The following THSD4 variants were observed in gnomAD, a reference collection of about 807,000 sequenced individuals.
The protein encoded by THSD4 is thrombospondin type-1 domain-containing protein 4.
In THSD4, 69 loss-of-function variants were observed where a neutral mutation model predicts 119.0. The observed-to-expected ratio is 0.58, with a 90% CI of 0.48 to 0.71. THSD4 has a LOEUF of 0.71. THSD4 is among the 30% of genes least tolerant of loss of function. The probability of loss-of-function intolerance (pLI) is 0.00; values close to 1 mark genes in which losing one functional copy is unlikely to be tolerated. For synonymous variants in THSD4, 524 were observed against 540.4 expected (o/e 0.97, Z 0.42); for missense variants, 1,393 against 1,391.1 (o/e 1.00, Z -0.02).
chr15:71,144,042 G>T (rs1265581091), intron 2 of THSD4, among the ~76,000 whole-genome samples: 1 of 152,170 alleles, frequency 6.6e-6, no homozygotes, highest in African/African-American at 2.4e-5. Context: ...TACCCTTGTG[G>T]TGGAGCTCTG....
chr15:71,142,840 G>T (rs897651005), intron 2 of THSD4, among the ~76,000 whole-genome samples: 5 of 152,168 alleles, frequency 3.3e-5, no homozygotes, highest in South Asian at 2.1e-4. Flanking sequence ...TTCCATACCT[G>T]TACATTAGTC....
chr15:71,753,105 T>C (rs1201149995), intron 14 of THSD4, among the ~76,000 whole-genome samples: 1 of 152,194 alleles, frequency 6.6e-6, no homozygotes, highest in Non-Finnish European at 1.5e-5. Context: ...TTAAAATTAA[T>C]TAATCTTTAC....
At chr15:71,671,963 T>C (rs1373084968) in intron 8 of THSD4, among the ~76,000 whole-genome samples, 1 of 152,222 alleles carries the variant, frequency 6.6e-6, no homozygotes. Flanking sequence ...GTCTTGGCAA[T>C]GCGGGCTCTT....
At chr15:71,761,662 G>A (rs918168337) in intron 15 of THSD4, among the ~76,000 whole-genome samples, 3 of 152,080 alleles carry the variant, frequency 2.0e-5, no homozygotes, top group South Asian at 2.1e-4. Flanking sequence ...TAGTAATAAC[G>A]GCTTTTATTG....
chr15:71,137,707 T>C (rs2040564425), intron 1 of THSD4, among the ~76,000 whole-genome samples: 1 of 152,088 alleles, frequency 6.6e-6, no homozygotes, highest in Non-Finnish European at 1.5e-5. Flanking sequence ...AAACTGCCAG[T>C]GCAAGCTCAT....
intron 7 of THSD4, among the ~76,000 whole-genome samples, chr15:71,470,739 C>T (rs936976406): frequency 6.6e-6 from 1 of 151,912 alleles, no homozygotes; most frequent in African/African-American, 2.4e-5. Context: ...GGGTTCACGC[C>T]ATTCTCCTGC....
chr15:71,682,346 A>T (rs770489865), intron 8 of THSD4, among the ~76,000 whole-genome samples: 1 of 152,236 alleles, frequency 6.6e-6, no homozygotes, highest in African/African-American at 2.4e-5. Context: ...GTACAGCTTG[A>T]TGAATTTTCA....
intron 6 of THSD4, among the ~76,000 whole-genome samples, chr15:71,382,170 G>A (rs2046237044): frequency 6.6e-6 from 1 of 152,080 alleles, no homozygotes; most frequent in Non-Finnish European, 1.5e-5. Flanking sequence ...AGAAGACCCA[G>A]TTTTCTTTAG....
At chr15:71,143,700 CTTTTTTTTT>C (rs546375502) in intron 2 of THSD4, among the ~76,000 whole-genome samples, 1 of 100,742 alleles carries the variant, frequency 9.9e-6, no homozygotes, top group South Asian at 3.5e-4. Flanking sequence ...TTTTTTCTTT[CTTTTTTTTT>C]TTTTTTTTTT....
chr15:71,323,986 T>C (rs1297248533), intron 6 of THSD4, among the ~76,000 whole-genome samples: 3 of 152,288 alleles, frequency 2.0e-5, no homozygotes, highest in African/African-American at 7.2e-5. Flanking sequence ...GCTTTTCTCA[T>C]GCGGCACTCA....
intron 6 of THSD4, among the ~76,000 whole-genome samples, chr15:71,294,933 A>AAG (rs1461366759): frequency 2.6e-5 from 4 of 151,396 alleles, no homozygotes; most frequent in African/African-American, 4.9e-5. Context: ...TAAAAAAAAA[A>AAG]AAAAAAAATA....
chr15:71,750,552 C>T (rs560597745), intron 14 of THSD4, among the ~76,000 whole-genome samples: 2 of 152,300 alleles, frequency 1.3e-5, no homozygotes, highest in African/African-American at 4.8e-5. Flanking sequence ...TCTTACCTAG[C>T]GGCTCATCTT....
At chr15:71,598,559 C>A (rs1052812946) in intron 7 of THSD4, among the ~76,000 whole-genome samples, 1 of 152,142 alleles carries the variant, frequency 6.6e-6, no homozygotes, top group Non-Finnish European at 1.5e-5. Context: ...TGTGCCCCAC[C>A]CTGTGCTTTG....
chr15:71,456,675 A>C (rs1207503230), intron 7 of THSD4, among the ~76,000 whole-genome samples: 1 of 152,154 alleles, frequency 6.6e-6, no homozygotes, highest in Admixed American at 6.5e-5. Flanking sequence ...CCTTTTCAAC[A>C]AGCCCCTATT....
intron 15 of THSD4, 75 bp downstream of exon 15, chr15:71,758,150 C>T (rs1595923395): frequency 6.9e-7 from 1 of 1,459,624 alleles, no homozygotes; most frequent in East Asian, 2.5e-5. Context: ...GGAACCAGGA[C>T]TTTGTGTCAG....
intron 8 of THSD4, among the ~76,000 whole-genome samples, chr15:71,698,975 A>G (rs182365230): frequency 3.9e-5 from 6 of 152,270 alleles, no homozygotes; most frequent in African/African-American, 1.4e-4. Flanking sequence ...TAAAAGATTA[A>G]TAAGTCCTAG....
intron 7 of THSD4, among the ~76,000 whole-genome samples, chr15:71,423,934 T>A (rs2046838884): frequency 6.6e-6 from 1 of 152,152 alleles, no homozygotes; most frequent in Non-Finnish European, 1.5e-5. Context: ...TTCTGCCTGG[T>A]GTTGCTTTCC....
At chr15:71,483,021 G>C (rs1313686464) in intron 7 of THSD4, among the ~76,000 whole-genome samples, 1 of 152,134 alleles carries the variant, frequency 6.6e-6, no homozygotes, top group Non-Finnish European at 1.5e-5. Flanking sequence ...CTAGGAAAGT[G>C]AGTATTTTTT....
intron 7 of THSD4, among the ~76,000 whole-genome samples, chr15:71,628,730 G>A (rs1003837147): frequency 2.0e-5 from 3 of 152,208 alleles, no homozygotes; most frequent in African/African-American, 7.2e-5. Context: ...AGACGTTCAA[G>A]AGTCTTTGAT....
Sources: allele counts gnomAD v4.1 joint callset (sites outside exome capture counted in the v4.1 genomes callset), GRCh38; gene constraint gnomAD v4.1.1; transcripts MANE v1.5; gene names NCBI Gene and HGNC (gene_info 2026-07-23, HGNC 2026-07-21).